Variants in SLC25A21 observed in about 807,000 individuals in gnomAD.
SLC25A21 encodes solute carrier family 25 member 21, also known as mitochondrial 2-oxodicarboxylate carrier.
A neutral mutation model predicts 43.8 loss-of-function variants in SLC25A21; 47 were observed. The observed-to-expected ratio is 1.07, with a 90% CI of 0.85 to 1.37. SLC25A21 has a LOEUF of 1.37. Among genes scored for constraint, SLC25A21 ranks in the 40% most tolerant of loss-of-function variants. SLC25A21 has a pLI of 0.00. For synonymous variants in SLC25A21, 131 were observed against 121.3 expected, an observed-to-expected ratio of 1.08 and a Z score of -0.52; for missense variants, 352 against 350.2, an observed-to-expected ratio of 1.00 and a Z score of -0.04.
At chr14:37,035,450 C>T (rs144489170) in intron 1 of SLC25A21, among the ~76,000 whole-genome samples, 3 of 152,302 alleles carry the variant, frequency 2.0e-5, no homozygotes, top group African/African-American at 7.2e-5. Flanking sequence ...TCTGTTATTA[C>T]AGAGTGATAA....
chr14:36,782,942 T>TA (rs1253016913), intron 3 of SLC25A21, among the ~76,000 whole-genome samples: 6 of 117,430 alleles, frequency 5.1e-5, no homozygotes, highest in African/African-American at 1.9e-4. Flanking sequence ...CCCTAAAACT[T>TA]AAAGTATAAT....
At chr14:36,829,889 ACTC>A (rs902697062) in intron 2 of SLC25A21, among the ~76,000 whole-genome samples, 2 of 149,696 alleles carry the variant, frequency 1.3e-5, no homozygotes, top group Non-Finnish European at 3.0e-5. Context: ...CCCTCTTTTC[ACTC>A]CTCCTCAGCT....
chr14:37,094,101 T>C (rs1962640760), intron 1 of SLC25A21, among the ~76,000 whole-genome samples: 1 of 152,194 alleles, frequency 6.6e-6, no homozygotes, highest in African/African-American at 2.4e-5. Flanking sequence ...TAGCTTCCTA[T>C]TAAAATGTCC....
rs11847695 is a variant in SLC25A21, at chr14:37,054,273, C to G, written c.70+118008G>C. Reference sequence around the variant, plus strand: ...ACATGTGAGTAAAGCCAACTAGGATCTCTCAAACCAGCCTATCTACAACTG... The same window carrying G: ...ACATGTGAGTAAAGCCAACTAGGATGTCTCAAACCAGCCTATCTACAACTG... On this transcript the variant is annotated intron_variant, in intron 1 of 9. Coordinates refer to ENST00000331299, the MANE Select transcript of SLC25A21 (RefSeq NM_030631.4). Among the ~76,000 whole-genome samples, 1,384 of 152,294 alleles carry G rather than the reference C, an allele frequency of 9.1e-3. 18 individuals are homozygous for G. Among genetic ancestry groups the G allele is most frequent in the African/African-American group, 0.032 (1,318 of 41,558 alleles).
intron 7 of SLC25A21, among the ~76,000 whole-genome samples, chr14:36,692,558 T>C (rs900749417): frequency 1.3e-5 from 2 of 152,230 alleles, no homozygotes; most frequent in Non-Finnish European, 2.9e-5. Context: ...GCCAGCTGGC[T>C]GCTAGCTTGA....
intron 2 of SLC25A21, among the ~76,000 whole-genome samples, chr14:36,849,962 G>A (rs1294467592): frequency 2.0e-5 from 3 of 152,084 alleles, no homozygotes; most frequent in Admixed American, 6.6e-5. Flanking sequence ...CAGTCCCTGG[G>A]GATCAAGTGA....
chr14:37,116,372 CA>C (rs1228106269), intron 1 of SLC25A21, among the ~76,000 whole-genome samples: 1 of 152,156 alleles, frequency 6.6e-6, no homozygotes, highest in African/African-American at 2.4e-5. Flanking sequence ...GTGCATCTTA[CA>C]ACACTTAAGA....
At chr14:36,913,867 T>G (rs1253248742) in intron 1 of SLC25A21, among the ~76,000 whole-genome samples, 3 of 152,354 alleles carry the variant, frequency 2.0e-5, no homozygotes, top group South Asian at 2.1e-4. Flanking sequence ...CAGGAAATTT[T>G]GAATTATCAA....
chr14:37,121,941 C>G (rs932456805), intron 1 of SLC25A21, among the ~76,000 whole-genome samples: 2 of 146,876 alleles, frequency 1.4e-5, no homozygotes, highest in African/African-American at 4.9e-5. Flanking sequence ...TCAAGTGTCC[C>G]CTAATGCCCA....
intron 2 of SLC25A21, among the ~76,000 whole-genome samples, chr14:36,847,269 A>G (rs1889575399): frequency 1.3e-5 from 2 of 152,244 alleles, no homozygotes; most frequent in Admixed American, 1.3e-4. Context: ...GATGTTTAGA[A>G]TTATTTTTTT....
intron 3 of SLC25A21, among the ~76,000 whole-genome samples, chr14:36,798,807 A>G (rs1808163718): frequency 6.6e-6 from 1 of 152,120 alleles, no homozygotes; most frequent in Non-Finnish European, 1.5e-5. Flanking sequence ...ATTAAGAAAT[A>G]TTTAATAATG....
intron 3 of SLC25A21, among the ~76,000 whole-genome samples, chr14:36,748,489 C>T (rs550110510): frequency 6.6e-6 from 1 of 152,218 alleles, no homozygotes; most frequent in Non-Finnish European, 1.5e-5. Flanking sequence ...ACTTTATAGA[C>T]TTCTGCATAT....
chr14:36,714,507 T>C (rs895376445), intron 6 of SLC25A21, among the ~76,000 whole-genome samples: 13 of 152,320 alleles, frequency 8.5e-5, no homozygotes, highest in Non-Finnish European at 1.3e-4. Context: ...GTGAGTACCC[T>C]GGCTAAGATC....
intron 1 of SLC25A21, among the ~76,000 whole-genome samples, chr14:37,089,263 G>A (rs569278048): frequency 9.1e-4 from 138 of 152,148 alleles, no homozygotes; most frequent in African/African-American, 3.2e-3. Context: ...CTCAAAATAT[G>A]TGTGTTAACA....
chr14:36,787,854 T>C (rs1425032248), intron 3 of SLC25A21, among the ~76,000 whole-genome samples: 1 of 152,192 alleles, frequency 6.6e-6, no homozygotes, highest in Non-Finnish European at 1.5e-5. Flanking sequence ...TTCATGCAAG[T>C]ACAAATAGTT....
intron 2 of SLC25A21, among the ~76,000 whole-genome samples, chr14:36,862,499 T>C (rs1478260757): frequency 6.6e-6 from 1 of 152,104 alleles, no homozygotes; most frequent in Non-Finnish European, 1.5e-5. Context: ...CTCAGCAAAC[T>C]AACACAGGAA....
At chr14:37,030,842 G>A (rs776824602) in intron 1 of SLC25A21, among the ~76,000 whole-genome samples, 35 of 152,130 alleles carry the variant, frequency 2.3e-4, no homozygotes, top group Admixed American at 1.1e-3. Flanking sequence ...TCTGAGTTTA[G>A]TCAAGGGTCT....
At chr14:37,047,714 C>T (rs955828854) in intron 1 of SLC25A21, among the ~76,000 whole-genome samples, 1 of 152,190 alleles carries the variant, frequency 6.6e-6, no homozygotes, top group African/African-American at 2.4e-5. Context: ...GTGCATTTGA[C>T]TTGTTTTGTC....
At position 36,690,773 on chromosome 14, in the gene SLC25A21, C is replaced by T. The variant is rs76069530; in HGVS notation, c.604-5848G>A. Among the ~76,000 whole-genome samples, 1,010 of 152,210 alleles carry T rather than the reference C, an allele frequency of 6.6e-3. 14 individuals carry two copies. The highest frequency in any genetic ancestry group is 0.023 in the African/African-American group (970 of 41,514). ...CTGGGATTTCACTATCTGAGTCCTG[C>T]AAGATGATATCTAGCTTCTGCCTCT... On this transcript the variant is annotated intron_variant, in intron 7 of 9. Coordinates refer to ENST00000331299, the MANE Select transcript of SLC25A21 (RefSeq NM_030631.4).
Sources: gnomAD v4.1 joint callset for allele counts (sites outside exome capture counted in the v4.1 genomes callset) on GRCh38, gnomAD v4.1.1 for gene constraint, MANE v1.5 for transcripts, NCBI Gene and HGNC (gene_info 2026-07-23, HGNC 2026-07-21) for gene names.